The following CCDC85A variants were observed in gnomAD, a reference collection of about 807,000 sequenced individuals.
CCDC85A encodes coiled-coil domain containing 85A, also known as coiled-coil domain-containing protein 85A.
In CCDC85A, 38 loss-of-function variants were observed where a neutral mutation model predicts 50.2. That is an observed-to-expected ratio of 0.76 (90% confidence interval 0.58 to 0.99). The LOEUF is 0.99. Among genes scored for constraint, CCDC85A ranks in the 50% least tolerant of loss-of-function variants. The pLI is 0.00. For synonymous variants in CCDC85A, 366 were observed against 301.4 expected (o/e 1.21, Z -2.22); for missense variants, 820 against 742.0 (o/e 1.11, Z -1.22).
intron 2 of CCDC85A, among the ~76,000 whole-genome samples, chr2:56,316,618 A>G (rs559337337): frequency 5.9e-5 from 9 of 152,290 alleles, no homozygotes; most frequent in Non-Finnish European, 1.3e-4. Flanking sequence ...CATCTGCCCT[A>G]TCAGTTGAAT....
In CCDC85A at chr2:56,277,910, C is replaced by T. The variant is rs115987401; in HGVS notation, c.1241-64969C>T. Reference sequence around the variant, plus strand: ...GTAACTCAAAGACATTAGGAAGGGACGTATTGGACCAACAGAGCAGCATGC... The same window carrying T: ...GTAACTCAAAGACATTAGGAAGGGATGTATTGGACCAACAGAGCAGCATGC... On this transcript the variant is annotated intron_variant, in intron 2 of 5. Coordinates refer to ENST00000407595, the MANE Select transcript of CCDC85A (RefSeq NM_001080433.2). Among the ~76,000 whole-genome samples the T allele has an allele frequency of 5.9e-3, 897 of 152,270 alleles. 10 individuals carry two copies. Among genetic ancestry groups the T allele is most frequent in the African/African-American group, 0.02 (848 of 41,550 alleles).
At chr2:56,337,291 A>T (rs763870009) in intron 2 of CCDC85A, among the ~76,000 whole-genome samples, 1 of 152,224 alleles carries the variant, frequency 6.6e-6, no homozygotes, top group Non-Finnish European at 1.5e-5. Flanking sequence ...TGAGGATGTC[A>T]TTGGATTTTC....
At chr2:56,314,815 T>G (rs946430628) in intron 2 of CCDC85A, among the ~76,000 whole-genome samples, 2 of 152,154 alleles carry the variant, frequency 1.3e-5, no homozygotes, top group African/African-American at 4.8e-5. Flanking sequence ...TATTTCCTTC[T>G]CCTTTTCCTC....
At chr2:56,226,462 G>A (rs1668545958) in intron 2 of CCDC85A, among the ~76,000 whole-genome samples, 1 of 152,094 alleles carries the variant, frequency 6.6e-6, no homozygotes, top group African/African-American at 2.4e-5. Context: ...CCAGCACTTA[G>A]TAAGCATTTA....
chr2:56,192,455 AT>A lies in CCDC85A; in HGVS notation c.277-21del. Reference sequence around the variant, plus strand: ...CACCTCAGATGTGTACTTCCCTTGAATGGTTGTGTCTCTCTTTTCAGGATAT... The same window carrying A: ...CACCTCAGATGTGTACTTCCCTTGAAGGTTGTGTCTCTCTTTTCAGGATAT... On this transcript the variant is annotated intron_variant, in intron 1 of 5. Coordinates refer to ENST00000407595, the MANE Select transcript of CCDC85A (RefSeq NM_001080433.2). The surrounding 1 kb of genome is among the most constrained non-coding windows in gnomAD (Gnocchi z 4.7). The A allele has an allele frequency of 1.3e-6, 2 of 1,586,724 alleles. No individual in the cohort carries two copies. Among genetic ancestry groups the A allele is most frequent in the Non-Finnish European group, 1.7e-6 (2 of 1,166,574 alleles).
intron 2 of CCDC85A, among the ~76,000 whole-genome samples, chr2:56,341,445 G>T (rs1674365388): frequency 6.6e-6 from 1 of 152,140 alleles, no homozygotes; most frequent in South Asian, 2.1e-4. Context: ...TGTTTGACTA[G>T]CTACCTAATG....
At chr2:56,196,380 A>G (rs991668036) in intron 2 of CCDC85A, among the ~76,000 whole-genome samples, 3 of 152,214 alleles carry the variant, frequency 2.0e-5, no homozygotes, top group Non-Finnish European at 2.9e-5. Flanking sequence ...CATTCATTCA[A>G]ATTGCTTGCT....
chr2:56,226,732 T>C (rs1238913514), intron 2 of CCDC85A, among the ~76,000 whole-genome samples: 1 of 152,046 alleles, frequency 6.6e-6, no homozygotes, highest in African/African-American at 2.4e-5. Flanking sequence ...CCTCCTACTC[T>C]TCCCATCCGC....
chr2:56,352,681 G>C (rs536793134), intron 3 of CCDC85A, among the ~76,000 whole-genome samples: 1 of 152,150 alleles, frequency 6.6e-6, no homozygotes, highest in Non-Finnish European at 1.5e-5. Flanking sequence ...AGCTGTCATT[G>C]TATGAAAAAT....
intron 2 of CCDC85A, among the ~76,000 whole-genome samples, chr2:56,228,048 A>G (rs1008363444): frequency 6.6e-6 from 1 of 152,240 alleles, no homozygotes; most frequent in Non-Finnish European, 1.5e-5. Context: ...TTCCAAGGCC[A>G]TAGCACAGAG....
At position 56,339,285 on chromosome 2, in the gene CCDC85A, C is replaced by T. The variant is rs1433073103; in HGVS notation, c.1241-3594C>T. Among the ~76,000 whole-genome samples the T allele has an allele frequency of 5.9e-5, 9 of 152,208 alleles. No homozygotes were observed. In the East Asian group the frequency reaches 1.7e-3, roughly 29 times the overall value. On this transcript the variant is annotated intron_variant, in intron 2 of 5. Coordinates refer to ENST00000407595, the MANE Select transcript of CCDC85A (RefSeq NM_001080433.2). Reference sequence around the variant, plus strand: ...TGTTTAAAACTATGCTCTGTCTCTTCCTGTCCCAGCCCATATTTGCAGTGA... The same window carrying T: ...TGTTTAAAACTATGCTCTGTCTCTTTCTGTCCCAGCCCATATTTGCAGTGA...
chr2:56,237,531 C>T (rs992618080), intron 2 of CCDC85A, among the ~76,000 whole-genome samples: 12 of 152,158 alleles, frequency 7.9e-5, no homozygotes, highest in Non-Finnish European at 1.2e-4. Context: ...AAGCAGCTTA[C>T]GTGAATGTCT....
intron 3 of CCDC85A, among the ~76,000 whole-genome samples, chr2:56,370,858 G>T (rs1355926748): frequency 6.6e-6 from 1 of 152,012 alleles, no homozygotes; most frequent in Non-Finnish European, 1.5e-5. Context: ...ATCCAAAAAG[G>T]ATAAGATCTG....
chr2:56,326,552 A>G (rs1673481366), intron 2 of CCDC85A, among the ~76,000 whole-genome samples: 1 of 152,134 alleles, frequency 6.6e-6, no homozygotes, highest in Non-Finnish European at 1.5e-5. Context: ...CACTATTGTG[A>G]AGTGTTTCTA....
At chr2:56,267,352 G>C (rs1670496180) in intron 2 of CCDC85A, among the ~76,000 whole-genome samples, 1 of 152,124 alleles carries the variant, frequency 6.6e-6, no homozygotes, top group African/African-American at 2.4e-5. Flanking sequence ...ACACGACTAG[G>C]ATCTATGAAA....
At chr2:56,261,482 A>G (rs930403751) in intron 2 of CCDC85A, among the ~76,000 whole-genome samples, 1 of 152,176 alleles carries the variant, frequency 6.6e-6, no homozygotes, top group Non-Finnish European at 1.5e-5. Flanking sequence ...TTCAGCATAC[A>G]TTGCACCCTG....
intron 2 of CCDC85A, among the ~76,000 whole-genome samples, chr2:56,294,204 G>T (rs1206668379): frequency 1.3e-5 from 2 of 152,036 alleles, no homozygotes; most frequent in Non-Finnish European, 2.9e-5. Context: ...ATCAAACACC[G>T]AATGTTCTCA....
At chr2:56,355,543 T>C (rs1016241651) in intron 3 of CCDC85A, among the ~76,000 whole-genome samples, 4 of 152,192 alleles carry the variant, frequency 2.6e-5, no homozygotes, top group Non-Finnish European at 4.4e-5. Flanking sequence ...TCAGAATTTT[T>C]TTTCTCTTTA....
chr2:56,194,370 CA>C (rs1262439143), intron 2 of CCDC85A, among the ~76,000 whole-genome samples: 1 of 152,054 alleles, frequency 6.6e-6, no homozygotes, highest in Non-Finnish European at 1.5e-5. Context: ...GAATAAAAAA[CA>C]AAAAAACTCC....
Sources: allele counts gnomAD v4.1 joint callset (sites outside exome capture counted in the v4.1 genomes callset), GRCh38; gene constraint gnomAD v4.1.1; non-coding constraint Gnocchi (gnomAD v3.1); transcripts MANE v1.5; gene names NCBI Gene and HGNC (gene_info 2026-07-23, HGNC 2026-07-21).